VPS4B: variants seen among roughly 807,000 people sequenced by gnomAD.
VPS4B encodes the protein vacuolar protein sorting-associated protein 4B.
A neutral mutation model predicts 56.1 loss-of-function variants in VPS4B; 23 were observed. The observed-to-expected ratio is 0.41, with a 90% CI of 0.30 to 0.58. VPS4B has a LOEUF of 0.58. Among genes scored for constraint, VPS4B ranks in the 20% least tolerant of loss-of-function variants. The probability of loss-of-function intolerance (pLI) is 0.29; values close to 1 mark genes in which losing one functional copy is unlikely to be tolerated. For synonymous variants in VPS4B, 177 were observed against 186.0 expected, an observed-to-expected ratio of 0.95 and a Z score of 0.39; for missense variants, 372 against 531.9, an observed-to-expected ratio of 0.70 and a Z score of 2.96.
At chr18:63,391,703 T>C (rs1438215731) in intron 10 of VPS4B, among the ~76,000 whole-genome samples, 1 of 152,256 alleles carries the variant, frequency 6.6e-6, no homozygotes, top group Non-Finnish European at 1.5e-5. Flanking sequence ...TTTCTGGCCT[T>C]ATCTCTTTTT....
chr18:63,422,342 A>G lies in VPS4B; in HGVS notation c.-83T>C. On this transcript the variant is annotated 5_prime_UTR_variant, in exon 1 of 11. Transcript: ENST00000238497. The stretch of plus-strand genomic sequence containing the variant: ...AACGTCGAAGCGCGCACGGGGTAAC[A>G]GCCCTCAAACTGGGGAGGCCGGTGG... 7.4e-7 allele frequency: 1 copy of G among 1,352,600 alleles called. No individual in the cohort carries two copies. The highest frequency in any genetic ancestry group is 9.7e-7 in the Non-Finnish European group (1 of 1,029,584). 83.8% of individuals were successfully genotyped at this position (1,352,600 alleles called of 1,614,324 possible). A position where few individuals can be genotyped will look rare whatever the true frequency, so the allele number is the denominator to read the frequency against.
At chr18:63,420,768 G>A (rs929091956) in intron 1 of VPS4B, among the ~76,000 whole-genome samples, 3 of 152,030 alleles carry the variant, frequency 2.0e-5, no homozygotes, top group Admixed American at 6.5e-5. Flanking sequence ...ATCCGGGCAC[G>A]GTGACTCACG....
At chr18:63,405,827 A>C (rs1568087381) in intron 4 of VPS4B, among the ~76,000 whole-genome samples, 1 of 149,180 alleles carries the variant, frequency 6.7e-6, no homozygotes, top group Non-Finnish European at 1.5e-5. Flanking sequence ...AAACAAACAA[A>C]AAAAAAAACT....
intron 10 of VPS4B, among the ~76,000 whole-genome samples, chr18:63,393,184 A>C (rs1915593628): frequency 6.6e-6 from 1 of 152,202 alleles, no homozygotes; most frequent in South Asian, 2.1e-4. Flanking sequence ...GTGCTTTAAA[A>C]AATAGCTTTT....
chr18:63,416,673 C>G (rs893134569), intron 1 of VPS4B, among the ~76,000 whole-genome samples: 2 of 152,122 alleles, frequency 1.3e-5, no homozygotes, highest in Admixed American at 1.3e-4. Flanking sequence ...AATCCTGATG[C>G]TAGAGCTGAT....
At chr18:63,406,006 A>C (rs1915909963) in intron 4 of VPS4B, among the ~76,000 whole-genome samples, 1 of 152,152 alleles carries the variant, frequency 6.6e-6, no homozygotes, top group Non-Finnish European at 1.5e-5. Flanking sequence ...AAAAAGAAAA[A>C]AAAAATGTAT....
intron 4 of VPS4B, among the ~76,000 whole-genome samples, chr18:63,405,581 T>G (rs1040995533): frequency 3.3e-5 from 5 of 151,910 alleles, no homozygotes; most frequent in Admixed American, 6.6e-5. Flanking sequence ...AAGTATTTGG[T>G]TTTTTTTCTC....
intron 10 of VPS4B, among the ~76,000 whole-genome samples, chr18:63,392,686 G>A (rs1915577525): frequency 6.6e-6 from 1 of 151,538 alleles, no homozygotes; most frequent in African/African-American, 2.4e-5. Context: ...CTGACCTCAT[G>A]ATCCACCCGC....
Position 63,422,414 on chromosome 18 carries a change from C to G in VPS4B, c.-155G>C. Reference sequence around the variant, plus strand: ...CCTCCCTTCCGGAACTTGTTTTAGACAACACTCTCTCCACCAGAGCTCCGA... The same window carrying G: ...CCTCCCTTCCGGAACTTGTTTTAGAGAACACTCTCTCCACCAGAGCTCCGA... On this transcript the variant is annotated 5_prime_UTR_variant, in exon 1 of 11. Transcript: ENST00000238497. 1.7e-6 allele frequency: 1 copy of G among 594,390 alleles called. No individual in the cohort carries two copies. The highest frequency in any genetic ancestry group is 2.7e-6 in the Non-Finnish European group (1 of 376,834). The allele number at this position is 594,390 out of a possible 1,614,324, so 36.8% of individuals were successfully genotyped here. A position where few individuals can be genotyped will look rare whatever the true frequency, so the allele number is the denominator to read the frequency against.
chr18:63,410,622 C>G (rs982540016), intron 2 of VPS4B, among the ~76,000 whole-genome samples, 176 bp from the exon 3 acceptor site: 4 of 152,210 alleles, frequency 2.6e-5, no homozygotes, highest in African/African-American at 9.6e-5. Context: ...CTTCCTCCAG[C>G]AGGGTTGGAG....
intron 1 of VPS4B, among the ~76,000 whole-genome samples, chr18:63,419,377 A>G (rs1916241963): frequency 6.6e-6 from 1 of 151,896 alleles, no homozygotes; most frequent in Admixed American, 6.6e-5. Flanking sequence ...AGATCATGCC[A>G]CTGCACTCCT....
intron 7 of VPS4B, among the ~76,000 whole-genome samples, chr18:63,399,846 A>G (rs939785995): frequency 6.6e-6 from 1 of 152,112 alleles, no homozygotes; most frequent in Non-Finnish European, 1.5e-5. Context: ...AACAAAAACG[A>G]CTTTAAAAAT....
Position 63,399,331 on chromosome 18 carries a change from A to C in VPS4B, c.791-8T>G, listed in dbSNP as rs1405073437. On this transcript the variant is annotated splice_region_variant and splice_polypyrimidine_tract_variant and intron_variant, in intron 7 of 10. Transcript: ENST00000238497. ...CATTGTCTACACCAACCCCTGCATT[A>C]AAATAGGTAATGCTTTAATTAATTT... 6.2e-7 allele frequency: 1 copy of C among 1,610,422 alleles called. No individual in the cohort carries two copies. Among genetic ancestry groups the C allele is most frequent in the Non-Finnish European group, 8.5e-7 (1 of 1,177,100 alleles).
chr18:63,406,123 C>G (rs775438098), intron 4 of VPS4B, among the ~76,000 whole-genome samples: 1 of 152,196 alleles, frequency 6.6e-6, no homozygotes, highest in African/African-American at 2.4e-5. Context: ...TCTTGCTTTA[C>G]AACTGGAATA....
At chr18:63,404,466 T>C (rs1005313739) in intron 4 of VPS4B, 3 of 152,192 alleles carry the variant, frequency 2.0e-5, no homozygotes, top group Non-Finnish European at 4.4e-5. Context: ...GGCTGCTAAA[T>C]AGATCTATTT....
intron 9 of VPS4B, among the ~76,000 whole-genome samples, chr18:63,394,130 AAT>A (rs1226774640): frequency 2.0e-5 from 3 of 152,346 alleles, no homozygotes; most frequent in Admixed American, 6.5e-5. Context: ...TTAAAAAAAA[AAT>A]AGTTACCTGT....
intron 1 of VPS4B, among the ~76,000 whole-genome samples, chr18:63,417,023 G>A (rs185083919): frequency 6.6e-6 from 1 of 152,076 alleles, no homozygotes; most frequent in East Asian, 1.9e-4. Context: ...ATGAGGACAG[G>A]ACTTCACCTT....
intron 4 of VPS4B, among the ~76,000 whole-genome samples, chr18:63,406,747 T>A (rs1320638856): frequency 6.6e-6 from 1 of 152,244 alleles, no homozygotes; most frequent in Admixed American, 6.5e-5. Context: ...GAAAGGAAGC[T>A]ATTGCTCATT....
rs770775277 is a variant in VPS4B at position 63,411,549 on chromosome 18, C to T, written c.57G>A (p.Ala19=). 15 of 1,600,412 alleles carry T rather than the reference C, an allele frequency of 9.4e-6. No homozygotes were observed. The highest frequency in any genetic ancestry group is 3.3e-4 in the Middle Eastern group (2 of 6,036). The change falls in exon 2 of 11, where the codon GCG becomes GCA. Residue 19 remains alanine, a synonymous_variant. Transcript: ENST00000238497. ...CGTAGTTCCCAGCCTTGTCTTCTTG[C>T]GCTGCTTTGCTAGCCAGATCTATCG... ...QKAIDLASKA[A]QEDKAGNYEE...
Sources: gnomAD v4.1 joint callset for allele counts (sites outside exome capture counted in the v4.1 genomes callset) on GRCh38, gnomAD v4.1.1 for gene constraint, MANE v1.5 for transcripts, NCBI Gene and HGNC (gene_info 2026-07-23, HGNC 2026-07-21) for gene names.